The following NLGN1 variants were observed in gnomAD, a reference collection of about 807,000 sequenced individuals.
NLGN1 encodes neuroligin 1.
In NLGN1, 12 loss-of-function variants were observed where a neutral mutation model predicts 65.5. That is an observed-to-expected ratio of 0.18 (90% CI 0.12 to 0.30). The LOEUF is 0.30. NLGN1 is among the 10% of genes least tolerant of loss of function. NLGN1 has a pLI of 1.00. For missense variants in NLGN1, 750 were observed against 1,007.1 expected (o/e 0.74, Z 3.46); for synonymous variants, 350 against 359.5 (o/e 0.97, Z 0.30).
intron 4 of NLGN1, among the ~76,000 whole-genome samples, chr3:174,242,470 C>T (rs569997887): frequency 7.2e-5 from 11 of 152,242 alleles, no homozygotes; most frequent in African/African-American, 2.4e-4. Context: ...AATGTATTTA[C>T]AGCTGCTCCC....
At chr3:173,483,329 T>C (rs1192303322) in intron 2 of NLGN1, among the ~76,000 whole-genome samples, 1 of 152,052 alleles carries the variant, frequency 6.6e-6, no homozygotes, top group Non-Finnish European at 1.5e-5. Flanking sequence ...AATTAGCCTT[T>C]CTGACTTTTT....
intron 2 of NLGN1, among the ~76,000 whole-genome samples, chr3:173,539,819 T>TATATACATATATAAATAG (rs1738471277): frequency 7.5e-6 from 1 of 133,752 alleles, no homozygotes. Context: ...TATATACATA[T>TATATACATATATAAATAG]GTTATATATG....
chr3:173,638,586 T>A (rs1332803270), intron 3 of NLGN1, among the ~76,000 whole-genome samples: 1 of 152,160 alleles, frequency 6.6e-6, no homozygotes, highest in Non-Finnish European at 1.5e-5. Flanking sequence ...TATTTGTCTT[T>A]TGTAAAATGT....
At chr3:173,614,616 A>G (rs1752781690) in intron 3 of NLGN1, among the ~76,000 whole-genome samples, 1 of 152,134 alleles carries the variant, frequency 6.6e-6, no homozygotes, top group African/African-American at 2.4e-5. Flanking sequence ...ACAAGGAGGC[A>G]GATCCTGAGG....
intron 4 of NLGN1, among the ~76,000 whole-genome samples, chr3:174,256,877 A>T (rs958148346): frequency 4.6e-5 from 7 of 152,208 alleles, no homozygotes; most frequent in Admixed American, 4.6e-4. Flanking sequence ...GAAGACACCA[A>T]AAGCAATTAC....
intron 2 of NLGN1, among the ~76,000 whole-genome samples, chr3:173,554,941 AGCCCTTCT>A (rs1741471211): frequency 6.6e-6 from 1 of 152,118 alleles, no homozygotes; most frequent in Non-Finnish European, 1.5e-5. Flanking sequence ...TTTTTGTTTT[AGCCCTTCT>A]AGGGGATGAG....
chr3:174,019,414 A>G (rs1029344693), intron 4 of NLGN1, among the ~76,000 whole-genome samples: 2 of 152,088 alleles, frequency 1.3e-5, no homozygotes, highest in African/African-American at 2.4e-5. Flanking sequence ...ACCTCCCACC[A>G]TGTTATAACA....
chr3:174,193,077 T>C (rs552182897), intron 4 of NLGN1, among the ~76,000 whole-genome samples: 1 of 152,320 alleles, frequency 6.6e-6, no homozygotes, highest in East Asian at 1.9e-4. Context: ...ACTAAAAGTT[T>C]GGTATGATTT....
At chr3:173,542,678 GGTATTTTACA>G (rs944556002) in intron 2 of NLGN1, among the ~76,000 whole-genome samples, 4 of 151,788 alleles carry the variant, frequency 2.6e-5, no homozygotes, top group African/African-American at 9.7e-5. Context: ...TGGTGTGCGG[GGTATTTTACA>G]GTATGAGGAC....
At chr3:174,208,864 C>T (rs900381557) in intron 4 of NLGN1, among the ~76,000 whole-genome samples, 4 of 152,032 alleles carry the variant, frequency 2.6e-5, no homozygotes, top group South Asian at 2.1e-4. Context: ...ATGTGTGTAA[C>T]GTGGTGATAT....
intron 4 of NLGN1, among the ~76,000 whole-genome samples, chr3:174,219,357 G>A (rs1407334737): frequency 6.6e-6 from 1 of 152,054 alleles, no homozygotes; most frequent in Admixed American, 6.6e-5. Context: ...TCTTAATCTG[G>A]AAATTGTGGT....
intron 4 of NLGN1, among the ~76,000 whole-genome samples, chr3:174,201,215 C>A (rs919124459): frequency 1.3e-5 from 2 of 151,200 alleles, no homozygotes; most frequent in Non-Finnish European, 2.9e-5. Context: ...TGCACTCCAG[C>A]CTGAGCTACA....
chr3:174,129,210 C>T (rs1023595596), intron 4 of NLGN1, among the ~76,000 whole-genome samples: 2 of 151,760 alleles, frequency 1.3e-5, no homozygotes, highest in African/African-American at 2.4e-5. Context: ...ACATTCAAGA[C>T]TTAGAAGTGT....
At chr3:174,065,716 TAA>T (rs78751846) in intron 4 of NLGN1, among the ~76,000 whole-genome samples, 1 of 147,136 alleles carries the variant, frequency 6.8e-6, no homozygotes, top group African/African-American at 2.5e-5. Context: ...ATTACATTAT[TAA>T]AAAAAAAAAC....
At chr3:173,925,161 G>T (rs977395236) in intron 4 of NLGN1, among the ~76,000 whole-genome samples, 1 of 152,078 alleles carries the variant, frequency 6.6e-6, no homozygotes, top group Admixed American at 6.6e-5. Context: ...ACACCACTTA[G>T]TGTACTAGAA....
At position 174,047,349 on chromosome 3, in the gene NLGN1, A is replaced by G. The variant is rs148175996; in HGVS notation, c.647-227966A>G. On this transcript the variant is annotated intron_variant, in intron 4 of 6. Transcript: ENST00000457714. ...GGATTACATATCTATTCTACCTAAG[A>G]GATTTCAATTTTAGCCAAGGTCCAA... Among the ~76,000 whole-genome samples, 612 of 152,142 alleles carry G rather than the reference A, an allele frequency of 4.0e-3. 1 individual carries two copies. The highest frequency in any genetic ancestry group is 0.01 in the Middle Eastern group (3 of 294).
chr3:173,656,199 T>A (rs1367569918), intron 3 of NLGN1, among the ~76,000 whole-genome samples: 1 of 152,250 alleles, frequency 6.6e-6, no homozygotes, highest in East Asian at 1.9e-4. Flanking sequence ...TTAGGTTTCC[T>A]GCATCCAGAC....
chr3:173,933,306 A>C (rs2152291078), intron 4 of NLGN1, among the ~76,000 whole-genome samples: 1 of 152,288 alleles, frequency 6.6e-6, no homozygotes, highest in South Asian at 2.1e-4. Flanking sequence ...AGAAGGGCTG[A>C]TTCCCACCAC....
At chr3:173,471,497 C>T (rs1053711093) in intron 2 of NLGN1, among the ~76,000 whole-genome samples, 3 of 152,058 alleles carry the variant, frequency 2.0e-5, no homozygotes, top group Non-Finnish European at 4.4e-5. Flanking sequence ...TCAAAATTTC[C>T]TGTTTATAAG....
Sources: gnomAD v4.1 joint callset for allele counts (sites outside exome capture counted in the v4.1 genomes callset) on GRCh38, gnomAD v4.1.1 for gene constraint, MANE v1.5 for transcripts, NCBI Gene and HGNC (gene_info 2026-07-23, HGNC 2026-07-21) for gene names.